The following XKR6 variants were observed in gnomAD, a reference collection of about 807,000 sequenced individuals.
XKR6 encodes XK related 6.
Under a neutral mutation model 56.7 loss-of-function variants are expected in XKR6, and 22 were observed. The observed-to-expected ratio is 0.39, with a 90% confidence interval of 0.28 to 0.55. The LOEUF is 0.55. Ranked by LOEUF, XKR6 falls within the 20% of genes least tolerant of loss-of-function variation. The probability of loss-of-function intolerance (pLI) is 0.66; values close to 1 mark genes in which losing one functional copy is unlikely to be tolerated. For missense variants in XKR6, 852 were observed against 889.0 expected (o/e 0.96, Z 0.53); for synonymous variants, 524 against 387.8 (o/e 1.35, Z -4.13).
In XKR6 at chr8:10,995,015, G is replaced by A. The variant is rs947415361; in HGVS notation, c.765-70185C>T. Among the ~76,000 whole-genome samples the A allele has an allele frequency of 3.2e-4, 49 of 152,306 alleles. 1 individual carries two copies. The highest frequency in any genetic ancestry group is 9.1e-4 in the African/African-American group (38 of 41,554). ...CTCAAGCCCTGTGTCACATTCACCC[G>A]TCTATGGTGGGGCCTCCTTGTACGA... On this transcript the variant is annotated intron_variant, in intron 1 of 2. Coordinates refer to ENST00000416569, the MANE Select transcript of XKR6 (RefSeq NM_173683.4).
intron 1 of XKR6, among the ~76,000 whole-genome samples, chr8:11,122,966 G>C (rs1429118191): frequency 1.3e-5 from 2 of 151,662 alleles, no homozygotes; most frequent in African/African-American, 4.8e-5. Flanking sequence ...GCCGGGTGCA[G>C]TGGCTCACGC....
intron 1 of XKR6, among the ~76,000 whole-genome samples, chr8:10,972,376 T>C (rs1183094986): frequency 6.6e-6 from 1 of 152,198 alleles, no homozygotes; most frequent in Non-Finnish European, 1.5e-5. Flanking sequence ...AGGACAGATA[T>C]GTGCAAGCAT....
intron 1 of XKR6, among the ~76,000 whole-genome samples, chr8:11,141,702 T>C (rs544683990): frequency 2.0e-5 from 3 of 151,822 alleles, no homozygotes; most frequent in East Asian, 1.9e-4. Flanking sequence ...GTATCAGGAG[T>C]GGAACAGCAG....
chr8:10,967,900 T>G (rs1310433786), intron 1 of XKR6, among the ~76,000 whole-genome samples: 1 of 152,098 alleles, frequency 6.6e-6, no homozygotes, highest in Non-Finnish European at 1.5e-5. Context: ...AGGAGGACAG[T>G]TTCCAGGCTG....
intron 1 of XKR6, among the ~76,000 whole-genome samples, chr8:10,945,844 T>A (rs1383062041): frequency 1.3e-5 from 2 of 152,146 alleles, no homozygotes; most frequent in Non-Finnish European, 2.9e-5. Context: ...CTGGGTGGTG[T>A]GCAGAGCAGC....
intron 1 of XKR6, among the ~76,000 whole-genome samples, chr8:11,126,342 A>G (rs1799795175): frequency 6.6e-6 from 1 of 152,180 alleles, no homozygotes; most frequent in South Asian, 2.1e-4. Context: ...CTGGGATTAC[A>G]GGCGTGAGCC....
At chr8:10,972,019 C>A (rs1240591678) in intron 1 of XKR6, among the ~76,000 whole-genome samples, 1 of 152,186 alleles carries the variant, frequency 6.6e-6, no homozygotes, top group Admixed American at 6.5e-5. Flanking sequence ...GGACCCTAGC[C>A]CCAGAAGTGA....
At chr8:11,072,165 C>T (rs1195865565) in intron 1 of XKR6, among the ~76,000 whole-genome samples, 2 of 152,178 alleles carry the variant, frequency 1.3e-5, no homozygotes, top group Admixed American at 6.5e-5. Context: ...CAGCCAATAC[C>T]GTCCTCTCAG....
intron 1 of XKR6, among the ~76,000 whole-genome samples, chr8:11,050,783 C>T (rs969702511): frequency 4.6e-5 from 7 of 152,006 alleles, no homozygotes; most frequent in African/African-American, 1.2e-4. Flanking sequence ...TCCCCACAGA[C>T]GGATGACCAT....
At chr8:10,958,650 C>T (rs76083055) in intron 1 of XKR6, among the ~76,000 whole-genome samples, 4,990 of 152,278 alleles carry the variant, frequency 0.033, 282 homozygotes, top group African/African-American at 0.11. Context: ...AAGACACAGG[C>T]AGGAGCCTGG....
At chr8:11,158,693 G>C (rs952013652) in intron 1 of XKR6, among the ~76,000 whole-genome samples, 4 of 152,068 alleles carry the variant, frequency 2.6e-5, no homozygotes, top group Admixed American at 2.6e-4. Context: ...TTATACAATC[G>C]TATATCCCTC....
intron 1 of XKR6, among the ~76,000 whole-genome samples, chr8:11,195,807 C>T (rs1318057844): frequency 1.3e-5 from 2 of 151,884 alleles, no homozygotes; most frequent in African/African-American, 4.8e-5. Flanking sequence ...CGCCACCACG[C>T]CCGGCTAATT....
At chr8:11,102,847 T>A (rs2129176560) in intron 1 of XKR6, among the ~76,000 whole-genome samples, 1 of 152,304 alleles carries the variant, frequency 6.6e-6, no homozygotes, top group African/African-American at 2.4e-5. Flanking sequence ...TTTCACCCCA[T>A]CCTTGGACAC....
intron 1 of XKR6, among the ~76,000 whole-genome samples, chr8:10,979,712 A>G (rs1797683644): frequency 6.6e-6 from 1 of 152,174 alleles, no homozygotes; most frequent in Admixed American, 6.5e-5. Flanking sequence ...GACAATGGCC[A>G]CAGCAGCTCC....
intron 1 of XKR6, among the ~76,000 whole-genome samples, chr8:11,012,674 A>T (rs376559213): frequency 6.9e-6 from 1 of 144,808 alleles, no homozygotes; most frequent in African/African-American, 2.6e-5. Context: ...TTTTCCTCCA[A>T]TCTGCATCCC....
intron 1 of XKR6, among the ~76,000 whole-genome samples, chr8:11,055,923 T>C (rs1015190430): frequency 5.3e-5 from 8 of 152,124 alleles, no homozygotes; most frequent in Non-Finnish European, 1.0e-4. Flanking sequence ...CCATACACTT[T>C]GTGTTCCAGG....
intron 1 of XKR6, among the ~76,000 whole-genome samples, chr8:10,999,543 C>G (rs1010655003): frequency 6.6e-6 from 1 of 152,096 alleles, no homozygotes; most frequent in Admixed American, 6.5e-5. Context: ...CACTGATCAC[C>G]AGATTCTAGT....
chr8:11,035,848 G>A (rs1280412140), intron 1 of XKR6, among the ~76,000 whole-genome samples: 1 of 151,888 alleles, frequency 6.6e-6, no homozygotes, highest in Non-Finnish European at 1.5e-5. Context: ...CCCTGAAAAA[G>A]GCAGGTCTGA....
chr8:11,003,827 T>G (rs761535798), intron 1 of XKR6, among the ~76,000 whole-genome samples: 1 of 152,130 alleles, frequency 6.6e-6, no homozygotes, highest in South Asian at 2.1e-4. Flanking sequence ...GAGAAGGGTG[T>G]GGTTAATTCT....
Sources: allele counts gnomAD v4.1 joint callset (sites outside exome capture counted in the v4.1 genomes callset), GRCh38; gene constraint gnomAD v4.1.1; transcripts MANE v1.5; gene names NCBI Gene and HGNC (gene_info 2026-07-23, HGNC 2026-07-21).